The following MLLT3 variants were observed in gnomAD, a reference collection of about 807,000 sequenced individuals.
MLLT3 encodes the protein MLLT3 super elongation complex subunit, also known as protein AF-9.
Under a neutral mutation model 53.2 loss-of-function variants are expected in MLLT3, and 4 were observed. The ratio of observed to expected loss-of-function variants is 0.08; its 90% CI spans 0.04 to 0.17. MLLT3 has a LOEUF of 0.17. Ranked by LOEUF, MLLT3 falls within the 10% of genes least tolerant of loss-of-function variation. The probability of loss-of-function intolerance (pLI) is 1.00; values close to 1 mark genes in which losing one functional copy is unlikely to be tolerated. For synonymous variants in MLLT3, 283 were observed against 230.6 expected (o/e 1.23, Z -2.06); for missense variants, 569 against 684.0 (o/e 0.83, Z 1.87).
intron 2 of MLLT3, among the ~76,000 whole-genome samples, chr9:20,529,672 A>G (rs1818281144): frequency 6.6e-6 from 1 of 151,586 alleles, no homozygotes; most frequent in Admixed American, 6.6e-5. Context: ...ACACTAAGGC[A>G]TGAGAAATGA....
intron 4 of MLLT3, among the ~76,000 whole-genome samples, chr9:20,432,978 G>A (rs1035465439): frequency 6.6e-6 from 1 of 152,014 alleles, no homozygotes; most frequent in African/African-American, 2.4e-5. Flanking sequence ...TAGGCACCTG[G>A]GGATACCACA....
chr9:20,532,586 T>G (rs1818371861), intron 2 of MLLT3: 1 of 243,028 alleles, frequency 4.1e-6, no homozygotes, highest in Admixed American at 5.3e-5. Context: ...AGAAAGAAGG[T>G]GGCTCCGGCC....
At chr9:20,436,632 G>A (rs1293494810) in intron 4 of MLLT3, among the ~76,000 whole-genome samples, 1 of 152,044 alleles carries the variant, frequency 6.6e-6, no homozygotes, top group African/African-American at 2.4e-5. Flanking sequence ...ATCACTATGT[G>A]TAACCGTAGA....
chr9:20,343,601 C>G lies in MLLT3; in HGVS notation c.*2842G>C, dbSNP rs1235308608. The stretch of plus-strand genomic sequence containing the variant: ...TTATAAGGGGGCAGAGGGGCAGGAG[C>G]TCTGTACATATATTTTTTCCCCTGG... On this transcript the variant is annotated 3_prime_UTR_variant, in exon 11 of 11. Coordinates refer to ENST00000380338, the MANE Select transcript of MLLT3 (RefSeq NM_004529.4). 1 of 229,626 alleles carries G rather than the reference C, an allele frequency of 4.4e-6. No homozygotes were observed. Among genetic ancestry groups the G allele is most frequent in the South Asian group, 1.8e-4 (1 of 5,514 alleles). The allele number at this position is 229,626 out of a possible 1,614,324, so 14.2% of individuals were successfully genotyped here. A position where few individuals can be genotyped will look rare whatever the true frequency, so the allele number is the denominator to read the frequency against.
intron 5 of MLLT3, among the ~76,000 whole-genome samples, chr9:20,381,070 A>T (rs1164480378): frequency 2.0e-5 from 3 of 151,976 alleles, no homozygotes; most frequent in Non-Finnish European, 4.4e-5. Context: ...TTCCTAGAAT[A>T]AAAGGAACTT....
chr9:20,530,568 C>T (rs552176644), intron 2 of MLLT3, among the ~76,000 whole-genome samples: 4 of 152,202 alleles, frequency 2.6e-5, no homozygotes, highest in South Asian at 4.2e-4. Context: ...TTCAGAAATC[C>T]GTACCTATAT....
intron 4 of MLLT3, among the ~76,000 whole-genome samples, chr9:20,419,338 G>A (rs1389656875): frequency 6.6e-6 from 1 of 151,996 alleles, no homozygotes; most frequent in African/African-American, 2.4e-5. Flanking sequence ...ACAAAGCGAT[G>A]AAAGTCATAA....
At chr9:20,576,974 C>T (rs1819671384) in intron 2 of MLLT3, among the ~76,000 whole-genome samples, 1 of 152,118 alleles carries the variant, frequency 6.6e-6, no homozygotes, top group South Asian at 2.1e-4. Flanking sequence ...GATCTCATCT[C>T]AAAAACCAAA....
At chr9:20,370,939 G>A (rs753569649) in intron 5 of MLLT3, among the ~76,000 whole-genome samples, 9 of 152,166 alleles carry the variant, frequency 5.9e-5, no homozygotes, top group Non-Finnish European at 1.3e-4. Context: ...CAAAGGAAAA[G>A]TTCTTGAATG....
At chr9:20,568,903 G>A (rs1819453639) in intron 2 of MLLT3, among the ~76,000 whole-genome samples, 2 of 152,082 alleles carry the variant, frequency 1.3e-5, no homozygotes. Context: ...AGTGGGGTTG[G>A]AGTAGGGATT....
In MLLT3 at chr9:20,345,135, T is replaced by C. The variant is rs1820834237; in HGVS notation, c.*1308A>G. ...CAGATTTCTAGTTTCAAAACAAGGG[T>C]ACAACAAGAACAAAAAAATCCCCCC... On this transcript the variant is annotated 3_prime_UTR_variant, in exon 11 of 11. Transcript: ENST00000380338. 1 of 223,282 alleles carries C rather than the reference T, an allele frequency of 4.5e-6. No homozygotes were observed. The highest frequency in any genetic ancestry group is 2.2e-5 in the African/African-American group (1 of 44,796). The allele number at this position is 223,282 out of a possible 1,614,324, so 13.8% of individuals were successfully genotyped here.
intron 2 of MLLT3, among the ~76,000 whole-genome samples, chr9:20,501,883 C>T (rs1246107824): frequency 6.6e-6 from 1 of 150,412 alleles, no homozygotes; most frequent in Admixed American, 6.6e-5. Context: ...GAGTTCGAGA[C>T]TAGCCTGGCC....
At chr9:20,443,844 T>C (rs1284246559) in intron 4 of MLLT3, among the ~76,000 whole-genome samples, 1 of 152,186 alleles carries the variant, frequency 6.6e-6, no homozygotes, top group African/African-American at 2.4e-5. Context: ...GTTTCACAGC[T>C]AATAAACTGA....
intron 2 of MLLT3, among the ~76,000 whole-genome samples, chr9:20,498,943 G>C (rs999152503): frequency 6.6e-6 from 1 of 152,170 alleles, no homozygotes; most frequent in African/African-American, 2.4e-5. Flanking sequence ...AGGGTGGCTT[G>C]AAACAACAGG....
At chr9:20,395,347 T>G (rs1280627966) in intron 5 of MLLT3, among the ~76,000 whole-genome samples, 1 of 152,178 alleles carries the variant, frequency 6.6e-6, no homozygotes, top group Non-Finnish European at 1.5e-5. Context: ...CTTCATGCCC[T>G]GGCAGAAGGC....
intron 2 of MLLT3, among the ~76,000 whole-genome samples, chr9:20,540,862 A>C (rs1289183241): frequency 2.0e-5 from 3 of 152,218 alleles, no homozygotes; most frequent in African/African-American, 7.2e-5. Context: ...TCAGGCTGCA[A>C]ATTTTCCAAG....
intron 2 of MLLT3, among the ~76,000 whole-genome samples, chr9:20,507,756 A>C (rs2118954411): frequency 6.6e-6 from 1 of 151,820 alleles, no homozygotes; most frequent in East Asian, 1.9e-4. Flanking sequence ...AAAAAAAAAA[A>C]AAACAAATCT....
chr9:20,599,539 T>C (rs1276456662), intron 2 of MLLT3, among the ~76,000 whole-genome samples: 3 of 151,574 alleles, frequency 2.0e-5, no homozygotes, highest in South Asian at 2.1e-4. Context: ...GAACTGAATA[T>C]TGTACTAAGC....
chr9:20,566,256 T>C (rs1291924413), intron 2 of MLLT3, among the ~76,000 whole-genome samples: 1 of 151,172 alleles, frequency 6.6e-6, no homozygotes, highest in Non-Finnish European at 1.5e-5. Flanking sequence ...CTGGCCAACA[T>C]GGTGAAACCC....
Sources: gnomAD v4.1 joint callset for allele counts (sites outside exome capture counted in the v4.1 genomes callset) on GRCh38, gnomAD v4.1.1 for gene constraint, MANE v1.5 for transcripts, NCBI Gene and HGNC (gene_info 2026-07-23, HGNC 2026-07-21) for gene names.